The following LDB2 variants were observed in gnomAD, a reference collection of about 807,000 sequenced individuals.
LDB2 encodes LIM domain binding 2.
In LDB2, 12 loss-of-function variants were observed where a neutral mutation model predicts 44.3. The ratio of observed to expected loss-of-function variants is 0.27; its 90% confidence interval spans 0.17 to 0.44. LDB2 has a LOEUF of 0.44. Ranked by LOEUF, LDB2 falls within the 20% of genes least tolerant of loss-of-function variation. LDB2 has a pLI of 1.00. For synonymous variants in LDB2, 164 were observed against 174.8 expected (o/e 0.94, Z 0.49); for missense variants, 344 against 473.5 (o/e 0.73, Z 2.54).
chr4:16,829,082 A>G (rs956189153), intron 1 of LDB2, among the ~76,000 whole-genome samples: 1 of 152,066 alleles, frequency 6.6e-6, no homozygotes, highest in African/African-American at 2.4e-5. Flanking sequence ...CCTCACTGGA[A>G]CTCCTCATTG....
In LDB2 at chr4:16,579,054, G is replaced by A. The variant is rs540602394; in HGVS notation, c.615+6868C>T. Among the ~76,000 whole-genome samples the A allele has an allele frequency of 3.3e-5, 5 of 152,272 alleles. No homozygotes were observed. The South Asian group carries it at 1.0e-3, about 32-fold the overall frequency. ...ACCACAGATTGGGAAGGGTCAGGGT[G>A]GCGGAAAAGGAGGATGGTTAATTGG... On this transcript the variant is annotated intron_variant, in intron 5 of 7. Coordinates refer to ENST00000304523, the MANE Select transcript of LDB2 (RefSeq NM_001290.5).
chr4:16,844,168 A>T (rs989908282), intron 1 of LDB2, among the ~76,000 whole-genome samples: 1 of 149,096 alleles, frequency 6.7e-6, no homozygotes, highest in African/African-American at 2.5e-5. Context: ...AAGGTGAGAG[A>T]ATCGCGTAAG....
At chr4:16,672,885 CTT>C (rs34411088) in intron 2 of LDB2, among the ~76,000 whole-genome samples, 1 of 146,344 alleles carries the variant, frequency 6.8e-6, no homozygotes, top group African/African-American at 2.5e-5. Flanking sequence ...TCCTTCCTTC[CTT>C]TTTTTTCCTT....
chr4:16,539,878 G>T (rs1284101510), intron 5 of LDB2, among the ~76,000 whole-genome samples: 1 of 152,022 alleles, frequency 6.6e-6, no homozygotes, highest in Non-Finnish European at 1.5e-5. Context: ...CTGGACAAGG[G>T]GTGTATTAGT....
intron 2 of LDB2, chr4:16,750,913 T>C (rs750492909): frequency 3.9e-5 from 6 of 152,224 alleles, no homozygotes; most frequent in Middle Eastern, 3.2e-3. Context: ...AAACAATAAA[T>C]TCTGGCAGCA....
At position 16,511,973 on chromosome 4, in the gene LDB2, G is replaced by A. The variant is rs1721925263; in HGVS notation, c.739+8C>T. On this transcript the variant is annotated splice_region_variant and intron_variant, in intron 6 of 7. Coordinates refer to ENST00000304523, the MANE Select transcript of LDB2 (RefSeq NM_001290.5). ...TGTTTAGAGAGAGAGTGAAGAATGA[G>A]GGTGTACCTGGCGGAGCCACCATCC... 6.2e-7 allele frequency: 1 copy of A among 1,612,240 alleles called. No homozygotes were observed. Among genetic ancestry groups the A allele is most frequent in the Non-Finnish European group, 8.5e-7 (1 of 1,178,904 alleles).
chr4:16,702,879 C>A (rs2152637256), intron 2 of LDB2, among the ~76,000 whole-genome samples: 1 of 152,306 alleles, frequency 6.6e-6, no homozygotes, highest in African/African-American at 2.4e-5. Context: ...TTGCTTATAG[C>A]CCTTGAATGC....
intron 1 of LDB2, among the ~76,000 whole-genome samples, chr4:16,797,852 T>C (rs960837777): frequency 4.6e-5 from 7 of 151,716 alleles, no homozygotes; most frequent in Admixed American, 4.6e-4. Flanking sequence ...CTGGCCAACA[T>C]GGTGAAACCC....
chr4:16,644,429 CT>C lies in LDB2; in HGVS notation c.236-48555del, dbSNP rs1182465425. On this transcript the variant is annotated intron_variant, in intron 2 of 7. Transcript: ENST00000304523. ...ATTTCACATGAACCAATTTTTTTTTCTTTTTTTTTTTTTTTGAGATGGAGTC... is the reference window on the plus strand; with the variant it reads ...ATTTCACATGAACCAATTTTTTTTTCTTTTTTTTTTTTTTGAGATGGAGTC... Among the ~76,000 whole-genome samples the C allele has an allele frequency of 6.0e-3, 833 of 139,016 alleles. 6 individuals carry two copies. Among genetic ancestry groups the C allele is most frequent in the African/African-American group, 0.016 (592 of 38,034 alleles). The allele number at this position is 139,016 out of a possible 152,430, so 91.2% of individuals were successfully genotyped here. A position where few individuals can be genotyped will look rare whatever the true frequency, so the allele number is the denominator to read the frequency against.
chr4:16,541,161 T>G (rs1219910843), intron 5 of LDB2, among the ~76,000 whole-genome samples: 1 of 152,148 alleles, frequency 6.6e-6, no homozygotes, highest in Non-Finnish European at 1.5e-5. Context: ...TCATGTTTAA[T>G]TATAATCCCC....
intron 2 of LDB2, among the ~76,000 whole-genome samples, chr4:16,615,613 G>C (rs1009949906): frequency 2.0e-5 from 3 of 152,060 alleles, no homozygotes; most frequent in African/African-American, 7.2e-5. Flanking sequence ...TGGGGGGTGG[G>C]GGGTGAAGGA....
intron 2 of LDB2, among the ~76,000 whole-genome samples, chr4:16,668,951 A>G (rs994763327): frequency 2.6e-5 from 4 of 152,156 alleles, no homozygotes; most frequent in African/African-American, 9.7e-5. Flanking sequence ...TACAGTGTGG[A>G]TATGGTTCCC....
rs117751110 is a variant in LDB2, at chr4:16,683,153, A to C, written c.235+76005T>G. On this transcript the variant is annotated intron_variant, in intron 2 of 7. Transcript: ENST00000304523. Reference sequence around the variant, plus strand: ...CCGCACCTCCCCCCGCAAAAAGTGTAACTTTAAACAATCCATTACAAAACC... The same window carrying C: ...CCGCACCTCCCCCCGCAAAAAGTGTCACTTTAAACAATCCATTACAAAACC... Among the ~76,000 whole-genome samples the C allele has an allele frequency of 8.8e-3, 1,338 of 152,308 alleles. 11 individuals carry two copies. Among genetic ancestry groups the C allele is most frequent in the East Asian group, 0.033 (173 of 5,186 alleles).
intron 1 of LDB2, among the ~76,000 whole-genome samples, chr4:16,864,795 G>A (rs552162873): frequency 3.9e-5 from 6 of 152,006 alleles, no homozygotes; most frequent in Admixed American, 1.3e-4. Flanking sequence ...CGTGGTGGCG[G>A]GCGCCTGTAA....
At chr4:16,829,021 A>G (rs1355671585) in intron 1 of LDB2, among the ~76,000 whole-genome samples, 1 of 152,198 alleles carries the variant, frequency 6.6e-6, no homozygotes, top group Non-Finnish European at 1.5e-5. Flanking sequence ...TGCTAAGAAC[A>G]CTTACATTCT....
chr4:16,796,018 G>A (rs1776658629), intron 1 of LDB2, among the ~76,000 whole-genome samples: 2 of 152,078 alleles, frequency 1.3e-5, no homozygotes, highest in South Asian at 2.1e-4. Flanking sequence ...ATGAGCCGGC[G>A]CGGTGGTTCA....
At chr4:16,724,487 C>G (rs961202332) in intron 2 of LDB2, among the ~76,000 whole-genome samples, 3 of 151,884 alleles carry the variant, frequency 2.0e-5, no homozygotes, top group Admixed American at 6.6e-5. Flanking sequence ...ACCTGGAAGG[C>G]AGAAACATGC....
intron 4 of LDB2, among the ~76,000 whole-genome samples, chr4:16,586,902 A>G (rs1232806760): frequency 6.6e-6 from 1 of 152,162 alleles, no homozygotes; most frequent in Non-Finnish European, 1.5e-5. Context: ...CCTTCATGAG[A>G]CTAGATTATA....
chr4:16,748,480 T>C (rs1764809520), intron 2 of LDB2, among the ~76,000 whole-genome samples: 1 of 152,248 alleles, frequency 6.6e-6, no homozygotes, highest in African/African-American at 2.4e-5. Flanking sequence ...AATTTTGTCA[T>C]GGAGCCTCTA....
Sources: gnomAD v4.1 joint callset for allele counts (sites outside exome capture counted in the v4.1 genomes callset) on GRCh38, gnomAD v4.1.1 for gene constraint, MANE v1.5 for transcripts, NCBI Gene and HGNC (gene_info 2026-07-23, HGNC 2026-07-21) for gene names.